The following ZMIZ1 variants were observed in gnomAD, a reference collection of about 807,000 sequenced individuals.
ZMIZ1 encodes zinc finger MIZ domain-containing protein 1.
ZMIZ1 carries 17 observed loss-of-function variants against 113.9 expected under a neutral mutation model. The ratio of observed to expected loss-of-function variants is 0.15; its 90% CI spans 0.10 to 0.22. The LOEUF is 0.22. ZMIZ1 is among the 10% of genes least tolerant of loss of function. ZMIZ1 has a pLI of 1.00. For missense variants in ZMIZ1, 1,059 were observed against 1,477.8 expected, an observed-to-expected ratio of 0.72 and a Z score of 4.65; for synonymous variants, 607 against 603.1, an observed-to-expected ratio of 1.01 and a Z score of -0.09.
At chr10:79,305,973 A>G (rs1205664247) in intron 21 of ZMIZ1, 127 bp from the exon 22 acceptor site, 15 of 1,419,508 alleles carry the variant, frequency 1.1e-5, no homozygotes. Flanking sequence ...CGCCTCGTCC[A>G]CAGTGTGGTG....
intron 3 of ZMIZ1, among the ~76,000 whole-genome samples, chr10:79,161,689 G>A (rs1846120239): frequency 6.6e-6 from 1 of 152,180 alleles, no homozygotes; most frequent in Non-Finnish European, 1.5e-5. Flanking sequence ...CTCCGCAAGG[G>A]TAGGGATCAC....
intron 4 of ZMIZ1, among the ~76,000 whole-genome samples, chr10:79,192,077 G>A (rs1033873995): frequency 1.3e-5 from 2 of 152,250 alleles, no homozygotes; most frequent in African/African-American, 4.8e-5. Flanking sequence ...CTCTGGGGAA[G>A]AGAAGCTGTC....
At chr10:79,144,004 A>G (rs1427774966) in intron 3 of ZMIZ1, among the ~76,000 whole-genome samples, 5 of 152,152 alleles carry the variant, frequency 3.3e-5, no homozygotes, top group Admixed American at 6.5e-5. Context: ...CCAACTCTGC[A>G]TCGGGGACTA....
chr10:79,181,233 G>A (rs1268378951), intron 4 of ZMIZ1, among the ~76,000 whole-genome samples: 1 of 152,314 alleles, frequency 6.6e-6, no homozygotes, highest in East Asian at 1.9e-4. Context: ...CTGGGAGGAG[G>A]CTCAGGGGCT....
Position 79,293,599 on chromosome 10 carries a change from C to T in ZMIZ1, c.1176C>T (p.Gly392=), listed in dbSNP as rs772029195. ...GGATGCCCCAGCAGACCTACCCGGG[C>T]CCCCGGCCCCAGTCCCTTCCTATTC... ...GQRMPQQTYP[G]PRPQSLPIQN... Residue 392 remains glycine (G), a synonymous_variant, in exon 12 of 25, where the codon GGC becomes GGT. Transcript: ENST00000334512. The T allele has an allele frequency of 9.9e-6, 16 of 1,612,940 alleles. No individual in the cohort carries two copies. Among genetic ancestry groups the T allele is most frequent in the Non-Finnish European group, 1.4e-5 (16 of 1,180,012 alleles).
At chr10:79,212,358 G>A (rs749070837) in intron 6 of ZMIZ1, among the ~76,000 whole-genome samples, 1 of 151,784 alleles carries the variant, frequency 6.6e-6, no homozygotes, top group Non-Finnish European at 1.5e-5. Context: ...TTTCTTAAAG[G>A]TGGGGCCTTG....
rs770658127 is a variant in ZMIZ1, at chr10:79,312,658, C to T, written c.3113C>T (p.Thr1038Ile). ...EPSLDLLPEL[T>I]NPDELLSYLD... ...CTTTTCCAGCTCCTTCCCGAACTCA[C>T]AAATCCTGACGAGCTCCTGTCTTAT... Residue 1038 changes from threonine to isoleucine, a missense_variant, in exon 25 of 25, where the codon ACA becomes ATA. Physicochemically the swap from Thr to Ile is moderately conservative, Grantham distance 89 (BLOSUM62 -1). This residue lies in a region of ZMIZ1 where 225 missense variants were observed against 276.0 expected (regional missense o/e 0.82). Transcript: ENST00000334512. 1 of 1,614,112 alleles carries T rather than the reference C, an allele frequency of 6.2e-7. No homozygotes were observed. The highest frequency in any genetic ancestry group is 8.5e-7 in the Non-Finnish European group (1 of 1,180,038).
At position 79,117,601 on chromosome 10, in the gene ZMIZ1, G is replaced by A. The variant is rs1428888655; in HGVS notation, c.-336-1314G>A. The stretch of plus-strand genomic sequence containing the variant: ...CCTTGCTACGAGCATTCTAACACAT[G>A]TCTTCTGGTGAACATATGCACATTT... On this transcript the variant is annotated intron_variant, in intron 1 of 24. Transcript: ENST00000334512. Among the ~76,000 whole-genome samples, 4 of 152,220 alleles carry A rather than the reference G, an allele frequency of 2.6e-5. No individual in the cohort carries two copies. In the East Asian group the frequency reaches 7.7e-4, roughly 29 times the overall value.
intron 1 of ZMIZ1, among the ~76,000 whole-genome samples, chr10:79,099,634 C>G (rs113530875): frequency 6.6e-6 from 1 of 152,174 alleles, no homozygotes; most frequent in Non-Finnish European, 1.5e-5. Flanking sequence ...CTGCTTGGGA[C>G]GTCCCAGTGT....
chr10:79,171,112 G>A (rs192522487), intron 4 of ZMIZ1, among the ~76,000 whole-genome samples: 86 of 152,344 alleles, frequency 5.6e-4, no homozygotes, highest in Non-Finnish European at 8.8e-4. Flanking sequence ...CACGCACAGT[G>A]CGGTGAGCTC....
At chr10:79,070,268 C>G (rs1355168318) in intron 1 of ZMIZ1, among the ~76,000 whole-genome samples, 1 of 151,854 alleles carries the variant, frequency 6.6e-6, no homozygotes, top group Non-Finnish European at 1.5e-5. Context: ...GTCGCCCCCT[C>G]GCTGGGGACA....
intron 4 of ZMIZ1, among the ~76,000 whole-genome samples, chr10:79,198,085 C>A (rs1847919565): frequency 6.6e-6 from 1 of 152,040 alleles, no homozygotes; most frequent in African/African-American, 2.4e-5. Context: ...TGGTGAAACC[C>A]CATCTCTACT....
In ZMIZ1 at chr10:79,109,805, G is replaced by T. The variant is rs184234574; in HGVS notation, c.-336-9110G>T. ...TCACTGTTTTCCCACCTGCAAAATGGTCTTAGCAATGGCCACCTCATGGGG... is the reference window on the plus strand; with the variant it reads ...TCACTGTTTTCCCACCTGCAAAATGTTCTTAGCAATGGCCACCTCATGGGG... On this transcript the variant is annotated intron_variant, in intron 1 of 24. Coordinates refer to ENST00000334512, the MANE Select transcript of ZMIZ1 (RefSeq NM_020338.4). Among the ~76,000 whole-genome samples the T allele has an allele frequency of 7.9e-5, 12 of 152,364 alleles. No individual in the cohort carries two copies. The East Asian group carries it at 2.3e-3, about 29-fold the overall frequency.
At chr10:79,105,637 C>T (rs762343147) in intron 1 of ZMIZ1, among the ~76,000 whole-genome samples, 20 of 152,192 alleles carry the variant, frequency 1.3e-4, no homozygotes, top group Non-Finnish European at 2.1e-4. Flanking sequence ...CTGCAGGACC[C>T]GGAGCCTCCA....
chr10:79,275,171 C>T (rs575783336), intron 7 of ZMIZ1, among the ~76,000 whole-genome samples: 6 of 152,346 alleles, frequency 3.9e-5, no homozygotes, highest in South Asian at 2.1e-4. Flanking sequence ...CTGGCCTGCC[C>T]GAATAGGCTG....
chr10:79,199,885 C>T (rs1461383914), intron 4 of ZMIZ1, among the ~76,000 whole-genome samples: 2 of 152,220 alleles, frequency 1.3e-5, no homozygotes, highest in Non-Finnish European at 2.9e-5. Flanking sequence ...ACAGGACTTT[C>T]TTCCAAAGGC....
At chr10:79,168,389 T>A (rs976462112) in intron 4 of ZMIZ1, among the ~76,000 whole-genome samples, 1 of 152,132 alleles carries the variant, frequency 6.6e-6, no homozygotes, top group African/African-American at 2.4e-5. Flanking sequence ...AGGCACCCCA[T>A]GGCCTTTTTT....
At chr10:79,153,276 A>G (rs1845777990) in intron 3 of ZMIZ1, among the ~76,000 whole-genome samples, 2 of 152,230 alleles carry the variant, frequency 1.3e-5, no homozygotes, top group East Asian at 1.9e-4. Flanking sequence ...CTTGTAGTCC[A>G]TCACTGGGCT....
intron 1 of ZMIZ1, among the ~76,000 whole-genome samples, chr10:79,103,332 T>C (rs1478216677): frequency 6.6e-6 from 1 of 151,850 alleles, no homozygotes; most frequent in Non-Finnish European, 1.5e-5. Context: ...GCTTTACAGC[T>C]GTAAGGAAGA....
Sources: allele counts gnomAD v4.1 joint callset (sites outside exome capture counted in the v4.1 genomes callset), GRCh38; gene constraint gnomAD v4.1.1; regional missense constraint gnomAD v4.1.1; transcripts MANE v1.5; gene names NCBI Gene and HGNC (gene_info 2026-07-23, HGNC 2026-07-21).